FAM13A: variants seen among roughly 807,000 people sequenced by gnomAD.
FAM13A encodes protein FAM13A.
FAM13A carries 76 observed loss-of-function variants against 129.6 expected under a neutral mutation model. The ratio of observed to expected loss-of-function variants is 0.59; its 90% CI spans 0.49 to 0.71. FAM13A has a LOEUF of 0.71. Ranked by LOEUF, FAM13A falls within the 30% of genes least tolerant of loss-of-function variation. The pLI, the probability that FAM13A is intolerant of heterozygous loss-of-function variation, is 0.00. For synonymous variants in FAM13A, 443 were observed against 449.9 expected (o/e 0.98, Z 0.20); for missense variants, 1,108 against 1,249.3 (o/e 0.89, Z 1.70).
At chr4:88,971,041 T>C (rs999209806) in intron 4 of FAM13A, among the ~76,000 whole-genome samples, 1 of 152,146 alleles carries the variant, frequency 6.6e-6, no homozygotes, top group African/African-American at 2.4e-5. Context: ...ACCCCATCTC[T>C]ACTAAAAATA....
chr4:88,848,942 C>T (rs1436655758), intron 7 of FAM13A, among the ~76,000 whole-genome samples: 1 of 152,214 alleles, frequency 6.6e-6, no homozygotes, highest in Non-Finnish European at 1.5e-5. Context: ...CTGCCCTGAA[C>T]GTCCTCACAT....
At chr4:88,907,951 GT>G (rs1253944604) in intron 5 of FAM13A, among the ~76,000 whole-genome samples, 1 of 152,224 alleles carries the variant, frequency 6.6e-6, no homozygotes, top group Non-Finnish European at 1.5e-5. Context: ...TGAGACTCAT[GT>G]CTGGACCACA....
chr4:88,874,003 G>A (rs538269498), intron 6 of FAM13A, among the ~76,000 whole-genome samples: 3 of 152,100 alleles, frequency 2.0e-5, no homozygotes, highest in Admixed American at 6.5e-5. Flanking sequence ...ATCAATAGAC[G>A]TAATCCATCA....
chr4:89,008,782 C>A (rs1330278124), intron 3 of FAM13A, among the ~76,000 whole-genome samples: 1 of 152,142 alleles, frequency 6.6e-6, no homozygotes, highest in Non-Finnish European at 1.5e-5. Context: ...CCAAAACAGG[C>A]ACTTAAATTG....
intron 7 of FAM13A, chr4:88,823,272 T>A (rs562598374): frequency 2.4e-6 from 3 of 1,255,290 alleles, no homozygotes; most frequent in Non-Finnish European, 3.0e-6. Flanking sequence ...GGGAAGCAGC[T>A]GAACCACCGG....
At chr4:88,954,711 CCTCGT>C (rs1314152258) in intron 4 of FAM13A, among the ~76,000 whole-genome samples, 1 of 151,922 alleles carries the variant, frequency 6.6e-6, no homozygotes, top group Non-Finnish European at 1.5e-5. Context: ...ACGGCAAAAA[CCTCGT>C]CTCTACTTAA....
intron 8 of FAM13A, among the ~76,000 whole-genome samples, chr4:88,802,390 A>G (rs1292914804): frequency 6.6e-6 from 1 of 152,152 alleles, no homozygotes; most frequent in East Asian, 1.9e-4. Flanking sequence ...CTTCCTTTGC[A>G]AAAAATGACA....
intron 1 of FAM13A, among the ~76,000 whole-genome samples, chr4:89,041,919 CA>C (rs35090010): frequency 3.1e-4 from 43 of 139,412 alleles, no homozygotes; most frequent in African/African-American, 3.4e-4. Context: ...GACTCTGCCT[CA>C]AAAAAAAAAA....
At chr4:88,961,016 T>TA (rs1269901860) in intron 4 of FAM13A, among the ~76,000 whole-genome samples, 1 of 152,210 alleles carries the variant, frequency 6.6e-6, no homozygotes, top group Non-Finnish European at 1.5e-5. Context: ...GGTGCCCTCT[T>TA]ACAGTTTTTA....
chr4:88,979,711 C>A (rs1761407011), intron 4 of FAM13A, among the ~76,000 whole-genome samples: 1 of 152,150 alleles, frequency 6.6e-6, no homozygotes, highest in Non-Finnish European at 1.5e-5. Context: ...TGGTGGCTCA[C>A]CCCTGTAATC....
At chr4:88,871,647 G>T (rs1741414943) in intron 6 of FAM13A, among the ~76,000 whole-genome samples, 1 of 152,196 alleles carries the variant, frequency 6.6e-6, no homozygotes, top group African/African-American at 2.4e-5. Flanking sequence ...GAGACTATGT[G>T]AAAAGACCAA....
chr4:88,971,722 C>T (rs1198154074), intron 4 of FAM13A, among the ~76,000 whole-genome samples: 1 of 152,146 alleles, frequency 6.6e-6, no homozygotes, highest in African/African-American at 2.4e-5. Flanking sequence ...GTTGCCCAAT[C>T]TGGTCTCAAG....
chr4:88,885,805 T>C (rs1224227239), intron 6 of FAM13A, among the ~76,000 whole-genome samples: 1 of 118,664 alleles, frequency 8.4e-6, no homozygotes, highest in South Asian at 2.6e-4. Flanking sequence ...CCAAACAAAT[T>C]AGCAAAAAAA....
chr4:88,773,677 T>C (rs1193685068), intron 11 of FAM13A, among the ~76,000 whole-genome samples: 1 of 152,142 alleles, frequency 6.6e-6, no homozygotes, highest in East Asian at 1.9e-4. Context: ...GGTGTCAGCT[T>C]ATCCACTCTC....
At chr4:88,997,320 T>C (rs546559058) in intron 3 of FAM13A, among the ~76,000 whole-genome samples, 1 of 152,312 alleles carries the variant, frequency 6.6e-6, no homozygotes, top group Admixed American at 6.5e-5. Flanking sequence ...GGACAAAAAC[T>C]ATCTCTCTCC....
At chr4:88,846,664 T>A (rs1736692339) in intron 7 of FAM13A, among the ~76,000 whole-genome samples, 1 of 152,238 alleles carries the variant, frequency 6.6e-6, no homozygotes, top group Non-Finnish European at 1.5e-5. Flanking sequence ...TTGTATTTGT[T>A]TAAACAGTAT....
intron 4 of FAM13A, among the ~76,000 whole-genome samples, chr4:88,968,718 CCATATCCAG>C (rs904388432): frequency 6.6e-6 from 1 of 152,108 alleles, no homozygotes; most frequent in African/African-American, 2.4e-5. Flanking sequence ...GCCCTGTTCT[CCATATCCAG>C]CAAAATAGGT....
chr4:88,829,359 A>G (rs1368534172), intron 7 of FAM13A, among the ~76,000 whole-genome samples: 3 of 152,168 alleles, frequency 2.0e-5, no homozygotes, highest in African/African-American at 7.2e-5. Context: ...GGACTGCTTC[A>G]GCCCAGGAAG....
chr4:88,794,049 A>G (rs1193973542), intron 8 of FAM13A, among the ~76,000 whole-genome samples: 2 of 152,038 alleles, frequency 1.3e-5, no homozygotes, highest in Non-Finnish European at 2.9e-5. Context: ...CTTCATCTGT[A>G]TGTAGCTTGC....
Sources: allele counts gnomAD v4.1 joint callset (sites outside exome capture counted in the v4.1 genomes callset), GRCh38; gene constraint gnomAD v4.1.1; transcripts MANE v1.5; gene names NCBI Gene and HGNC (gene_info 2026-07-23, HGNC 2026-07-21).